MYO3A: variants seen among roughly 807,000 people sequenced by gnomAD.
The protein encoded by MYO3A is myosin IIIA.
In MYO3A, 180 loss-of-function variants were observed where a neutral mutation model predicts 192.7. That is an observed-to-expected ratio of 0.93 (90% CI 0.83 to 1.06). The LOEUF is 1.06. Ranked by LOEUF, MYO3A falls within the 50% of genes least tolerant of loss-of-function variation. The probability of loss-of-function intolerance (pLI) is 0.00; values close to 1 mark genes in which losing one functional copy is unlikely to be tolerated. For missense variants in MYO3A, 1,896 were observed against 1,905.0 expected, an observed-to-expected ratio of 1.00 and a Z score of 0.09; for synonymous variants, 628 against 645.3, an observed-to-expected ratio of 0.97 and a Z score of 0.41.
intron 2 of MYO3A, among the ~76,000 whole-genome samples, chr10:25,950,671 C>G (rs553223117): frequency 2.0e-5 from 3 of 151,940 alleles, no homozygotes; most frequent in Admixed American, 1.3e-4. Context: ...TTTGTAAAGA[C>G]GTCACAATAA....
intron 6 of MYO3A, among the ~76,000 whole-genome samples, chr10:25,999,511 A>G (rs17738599): frequency 0.043 from 6,553 of 152,318 alleles, 178 homozygotes; most frequent in Middle Eastern, 0.068. Context: ...GAGGGCAGAA[A>G]GAACAAGATG....
At chr10:26,171,819 G>T (rs1842060341) in intron 29 of MYO3A, among the ~76,000 whole-genome samples, 1 of 152,110 alleles carries the variant, frequency 6.6e-6, no homozygotes, top group Non-Finnish European at 1.5e-5. Context: ...TGGACTAATT[G>T]TACTACTTCT....
intron 17 of MYO3A, among the ~76,000 whole-genome samples, chr10:26,113,340 T>G (rs1279082838): frequency 2.0e-5 from 3 of 151,928 alleles, no homozygotes. Context: ...TGTGGCAGCG[T>G]GCACCTATAA....
At chr10:26,072,973 CA>C (rs1441222279) in intron 14 of MYO3A, among the ~76,000 whole-genome samples, 1 of 152,172 alleles carries the variant, frequency 6.6e-6, no homozygotes, top group Non-Finnish European at 1.5e-5. Context: ...TACATTCATA[CA>C]GTGAAATATT....
intron 21 of MYO3A, among the ~76,000 whole-genome samples, chr10:26,145,152 C>A (rs1359899665): frequency 2.0e-5 from 3 of 148,610 alleles, no homozygotes; most frequent in African/African-American, 7.5e-5. Flanking sequence ...GCACTCCAGC[C>A]TGGGCAACAA....
intron 14 of MYO3A, among the ~76,000 whole-genome samples, chr10:26,083,838 C>G (rs1836131907): frequency 6.6e-6 from 1 of 152,094 alleles, no homozygotes; most frequent in African/African-American, 2.4e-5. Context: ...TATTGCTTTT[C>G]TATTGCCTAA....
chr10:26,184,214 A>G (rs1175731532), intron 31 of MYO3A, among the ~76,000 whole-genome samples: 6 of 152,228 alleles, frequency 3.9e-5, no homozygotes, highest in Non-Finnish European at 7.3e-5. Context: ...AGCCTGGCCA[A>G]GGGCAGATGA....
At chr10:25,941,110 G>A (rs777635797) in intron 2 of MYO3A, among the ~76,000 whole-genome samples, 24 of 152,208 alleles carry the variant, frequency 1.6e-4, no homozygotes, top group Non-Finnish European at 1.9e-4. Flanking sequence ...TGGAGAATTA[G>A]TGACAAATGT....
intron 10 of MYO3A, among the ~76,000 whole-genome samples, chr10:26,065,468 C>T (rs1834762458): frequency 1.3e-5 from 2 of 151,574 alleles, no homozygotes; most frequent in Non-Finnish European, 2.9e-5. Flanking sequence ...GCCTGTAATC[C>T]CAGCCACTCG....
intron 17 of MYO3A, among the ~76,000 whole-genome samples, chr10:26,097,778 G>A (rs932284964): frequency 1.3e-5 from 2 of 152,090 alleles, no homozygotes; most frequent in African/African-American, 2.4e-5. Context: ...TCTTAATCCA[G>A]TCTATCATTG....
chr10:26,159,494 C>T (rs868631640), intron 26 of MYO3A, among the ~76,000 whole-genome samples: 5 of 151,394 alleles, frequency 3.3e-5, no homozygotes, highest in African/African-American at 1.2e-4. Context: ...ATTCTCCTGC[C>T]TCAGCCTCCC....
intron 31 of MYO3A, among the ~76,000 whole-genome samples, chr10:26,181,358 CTG>C (rs1161622015): frequency 6.6e-6 from 1 of 152,082 alleles, no homozygotes; most frequent in East Asian, 1.9e-4. Context: ...CAAAGAAAAA[CTG>C]TGATAGATTT....
At chr10:26,101,363 G>T (rs1383850187) in intron 17 of MYO3A, among the ~76,000 whole-genome samples, 2 of 152,314 alleles carry the variant, frequency 1.3e-5, no homozygotes, top group East Asian at 3.9e-4. Flanking sequence ...TTGCCAGTCT[G>T]TGTCTTTTAA....
Position 25,965,959 on chromosome 10 carries a change from T to TC in MYO3A, c.303+10951_303+10952insC, listed in dbSNP as rs1297192114. Among the ~76,000 whole-genome samples, 20 of 148,954 alleles carry TC rather than the reference T, an allele frequency of 1.3e-4. 1 individual carries two copies. In the Middle Eastern group the frequency reaches 0.01, roughly 78 times the overall value. ...AGGTGATTCAGAACTGTTTTTTTTT[T>TC]TCTCTCTCTCTCTCTCTCTCTTCAG... On this transcript the variant is annotated intron_variant, in intron 4 of 34. Coordinates refer to ENST00000642920, the MANE Select transcript of MYO3A (RefSeq NM_017433.5).
chr10:25,944,394 G>A (rs573460048), intron 2 of MYO3A, among the ~76,000 whole-genome samples: 2 of 152,110 alleles, frequency 1.3e-5, no homozygotes, highest in East Asian at 3.9e-4. Flanking sequence ...TTTGGTGTCA[G>A]GATAATGCTG....
chr10:26,190,215 G>A (rs1432397897), intron 31 of MYO3A, among the ~76,000 whole-genome samples: 1 of 152,206 alleles, frequency 6.6e-6, no homozygotes, highest in East Asian at 1.9e-4. Context: ...ACTAGGTGGT[G>A]GATGAATATT....
Position 26,196,186 on chromosome 10 carries a change from C to T in MYO3A, c.4545+2875C>T, listed in dbSNP as rs148381065. On this transcript the variant is annotated intron_variant, in intron 32 of 34. Coordinates refer to ENST00000642920, the MANE Select transcript of MYO3A (RefSeq NM_017433.5). Reference sequence around the variant, plus strand: ...AGAAACAAGATTAGAAATTACCAAACATTCCCTATTAACCCTGAGTTTAAG... The same window carrying T: ...AGAAACAAGATTAGAAATTACCAAATATTCCCTATTAACCCTGAGTTTAAG... Among the ~76,000 whole-genome samples the T allele has an allele frequency of 5.4e-4, 83 of 152,344 alleles. 1 individual carries two copies. Among genetic ancestry groups the T allele is most frequent in the African/African-American group, 1.9e-3 (81 of 41,574 alleles).
intron 3 of MYO3A, among the ~76,000 whole-genome samples, 174 bp from the exon 4 acceptor site, chr10:25,954,700 C>T (rs1837424490): frequency 6.6e-6 from 1 of 152,032 alleles, no homozygotes. Flanking sequence ...ATGAAAATCA[C>T]AATCTCTCCC....
chr10:26,189,486 G>C (rs1843022675), intron 31 of MYO3A, among the ~76,000 whole-genome samples: 1 of 152,180 alleles, frequency 6.6e-6, no homozygotes, highest in South Asian at 2.1e-4. Flanking sequence ...ATTGAAGGTG[G>C]ACATTGAACA....
Sources: allele counts gnomAD v4.1 joint callset (sites outside exome capture counted in the v4.1 genomes callset), GRCh38; gene constraint gnomAD v4.1.1; transcripts MANE v1.5; gene names NCBI Gene and HGNC (gene_info 2026-07-23, HGNC 2026-07-21).